Variants in SEPTIN9 observed in about 807,000 individuals in gnomAD.
The protein encoded by SEPTIN9 is septin-9.
A neutral mutation model predicts 56.6 loss-of-function variants in SEPTIN9; 13 were observed. The observed-to-expected ratio is 0.23, with a 90% confidence interval of 0.15 to 0.37. The LOEUF (loss-of-function observed/expected upper bound fraction) is 0.37, where lower values mean the gene tolerates loss of function less well. SEPTIN9 is among the 10% of genes least tolerant of loss of function. The pLI is 1.00. For synonymous variants in SEPTIN9, 332 were observed against 334.1 expected (o/e 0.99, Z 0.07); for missense variants, 650 against 823.1 (o/e 0.79, Z 2.57).
chr17:77,494,950 G>A (rs189454627), intron 10 of SEPTIN9, among the ~76,000 whole-genome samples: 29 of 152,360 alleles, frequency 1.9e-4, no homozygotes, highest in Middle Eastern at 3.4e-3. Flanking sequence ...TGTGGTGTCA[G>A]GCTGGCTTGC....
intron 2 of SEPTIN9, among the ~76,000 whole-genome samples, chr17:77,347,889 T>G (rs1380213401): frequency 6.6e-6 from 1 of 152,192 alleles, no homozygotes; most frequent in African/African-American, 2.4e-5. Flanking sequence ...GTTCTAATCA[T>G]GTTAAGGTAG....
At chr17:77,431,955 G>A (rs1209875005) in intron 3 of SEPTIN9, among the ~76,000 whole-genome samples, 1 of 152,126 alleles carries the variant, frequency 6.6e-6, no homozygotes, top group African/African-American at 2.4e-5. Flanking sequence ...TGGGAGGGTG[G>A]TACTGGATGT....
At chr17:77,382,088 C>T (rs564474647) in intron 2 of SEPTIN9, among the ~76,000 whole-genome samples, 2 of 152,074 alleles carry the variant, frequency 1.3e-5, no homozygotes, top group East Asian at 1.9e-4. Context: ...AGTGCAGTGG[C>T]GTGATCTCGG....
chr17:77,469,911 T>C (rs1157842608), intron 3 of SEPTIN9, among the ~76,000 whole-genome samples: 1 of 141,186 alleles, frequency 7.1e-6, no homozygotes, highest in Non-Finnish European at 1.5e-5. Context: ...ACCCATCCAC[T>C]CATTTACCCA....
chr17:77,402,551 T>C lies in SEPTIN9; in HGVS notation c.569T>C (p.Ile190Thr), dbSNP rs1172543664. ...ATDAAPKRVE[I>T]QMPKPAEAPT... ...GACGCAGCCCCCAAGAGGGTGGAGATCCAGATGCCCAAGCCTGCTGAGGCG... is the reference window on the plus strand; with the variant it reads ...GACGCAGCCCCCAAGAGGGTGGAGACCCAGATGCCCAAGCCTGCTGAGGCG... Residue 190 changes from isoleucine (I) to threonine (T), a missense_variant, in exon 3 of 12, where the codon ATC (isoleucine) becomes ACC (threonine). Transcript: ENST00000427177. This position sits in a 1 kb window ranked among gnomAD's most constrained non-coding sequence, Gnocchi z 6.6. 6.2e-7 allele frequency: 1 copy of C among 1,609,352 alleles called. No individual in the cohort carries two copies. The highest frequency in any genetic ancestry group is 2.2e-5 in the East Asian group (1 of 44,674).
chr17:77,491,156 T>C (rs1469867727), intron 8 of SEPTIN9, among the ~76,000 whole-genome samples: 1 of 151,948 alleles, frequency 6.6e-6, no homozygotes, highest in East Asian at 1.9e-4. Flanking sequence ...AGATGGTGAA[T>C]CTCTCTTCCA....
intron 2 of SEPTIN9, among the ~76,000 whole-genome samples, chr17:77,349,861 C>CCCAGCA: frequency 6.6e-6 from 1 of 152,388 alleles, no homozygotes; most frequent in East Asian, 1.9e-4. Context: ...TCCAGACTTG[C>CCCAGCA]TGATGGGCTC....
intron 3 of SEPTIN9, among the ~76,000 whole-genome samples, chr17:77,418,533 G>A (rs576198528): frequency 2.6e-5 from 4 of 152,232 alleles, no homozygotes; most frequent in Admixed American, 6.5e-5. Flanking sequence ...AGCAGGGACC[G>A]GTTTTCACCA....
intron 2 of SEPTIN9, among the ~76,000 whole-genome samples, chr17:77,347,788 G>A (rs2033933950): frequency 6.6e-6 from 1 of 152,178 alleles, no homozygotes; most frequent in Middle Eastern, 3.4e-3. Flanking sequence ...TTTCAGTACA[G>A]TATTCAATAA....
At chr17:77,447,439 C>T (rs902988544) in intron 3 of SEPTIN9, among the ~76,000 whole-genome samples, 2 of 152,356 alleles carry the variant, frequency 1.3e-5, no homozygotes, top group African/African-American at 4.8e-5. Flanking sequence ...AATGGCCTCA[C>T]TCTCCCTTTT....
At chr17:77,331,218 A>G (rs2033335669) in intron 2 of SEPTIN9, among the ~76,000 whole-genome samples, 2 of 152,174 alleles carry the variant, frequency 1.3e-5, no homozygotes, top group Non-Finnish European at 2.9e-5. Flanking sequence ...TAATAATAAT[A>G]AAAACTACAG....
chr17:77,397,864 T>C (rs1162049868), intron 2 of SEPTIN9, among the ~76,000 whole-genome samples: 1 of 152,188 alleles, frequency 6.6e-6, no homozygotes, highest in African/African-American at 2.4e-5. Flanking sequence ...TTGGCCAGGC[T>C]GGTTTCGAAC....
At chr17:77,283,791 T>C (rs1348793962) in intron 1 of SEPTIN9, among the ~76,000 whole-genome samples, 4 of 152,184 alleles carry the variant, frequency 2.6e-5, no homozygotes, top group Non-Finnish European at 4.4e-5. Flanking sequence ...CGTGGGTCTA[T>C]AGACAGTCAT....
At chr17:77,362,227 T>C (rs1476046698) in intron 2 of SEPTIN9, among the ~76,000 whole-genome samples, 1 of 152,238 alleles carries the variant, frequency 6.6e-6, no homozygotes, top group Non-Finnish European at 1.5e-5. Flanking sequence ...CCCTTTGGGC[T>C]CTGTAGCTCC....
At chr17:77,287,677 C>T (rs980447978) in intron 1 of SEPTIN9, among the ~76,000 whole-genome samples, 2 of 152,208 alleles carry the variant, frequency 1.3e-5, no homozygotes, top group Non-Finnish European at 2.9e-5. Flanking sequence ...TTTGCAGCCC[C>T]TGTGAAGGGA....
At position 77,402,177 on chromosome 17, in the gene SEPTIN9, C is replaced by T; in HGVS notation, c.195C>T (p.Asp65=). 1.2e-6 allele frequency: 2 copies of T among 1,613,836 alleles called. No homozygotes were observed. The highest frequency in any genetic ancestry group is 1.7e-6 in the Non-Finnish European group (2 of 1,179,872). ...TVASSTQKFQ[D]LGVKNSEPSA... is the part of the protein sequence containing the mutation. ...CCAGCTCCACCCAGAAATTCCAGGA[C>T]CTGGGCGTGAAGAACTCAGAACCCT... The change falls in exon 3 of 12, where the codon GAC becomes GAT. Residue 65 remains aspartate (D), a synonymous_variant. Coordinates refer to ENST00000427177, the MANE Select transcript of SEPTIN9 (RefSeq NM_001113491.2). The surrounding 1 kb of genome is among the most constrained non-coding windows in gnomAD (Gnocchi z 6.6).
chr17:77,493,518 G>C (rs2143425134), intron 10 of SEPTIN9, among the ~76,000 whole-genome samples: 1 of 152,268 alleles, frequency 6.6e-6, no homozygotes, highest in African/African-American at 2.4e-5. Flanking sequence ...AGTGGCTGTT[G>C]TAACCAATTA....
chr17:77,342,056 C>T (rs1283225945), intron 2 of SEPTIN9, among the ~76,000 whole-genome samples: 3 of 137,050 alleles, frequency 2.2e-5, no homozygotes, highest in Non-Finnish European at 3.1e-5. Flanking sequence ...GCACTCCAGA[C>T]AGAGCAAGAC....
At position 77,433,809 on chromosome 17, in the gene SEPTIN9, CCG is replaced by C. The variant is rs2037240075; in HGVS notation, c.721+31108_721+31109del. Among the ~76,000 whole-genome samples, 1 of 152,192 alleles carries C rather than the reference CCG, an allele frequency of 6.6e-6. No homozygotes were observed. On this transcript the variant is annotated intron_variant, in intron 3 of 11. Transcript: ENST00000427177. This position sits in a 1 kb window ranked among gnomAD's most constrained non-coding sequence, Gnocchi z 6.4. ...CCCTCCTGGGTATCCCCTGCGCCCC[CCG>C]CCCCAGGCACTTGATGTTGCCTGTT...
Sources: allele counts gnomAD v4.1 joint callset (sites outside exome capture counted in the v4.1 genomes callset), GRCh38; gene constraint gnomAD v4.1.1; non-coding constraint Gnocchi (gnomAD v3.1); transcripts MANE v1.5; gene names NCBI Gene and HGNC (gene_info 2026-07-23, HGNC 2026-07-21).